Variants in PPP2R5E observed in about 807,000 individuals in gnomAD.
PPP2R5E encodes serine/threonine-protein phosphatase 2A 56 kDa regulatory subunit epsilon isoform.
A neutral mutation model predicts 65.3 loss-of-function variants in PPP2R5E; 4 were observed. That is an observed-to-expected ratio of 0.06 (90% CI 0.03 to 0.14). The LOEUF is 0.14. Ranked by LOEUF, PPP2R5E falls within the 10% of genes least tolerant of loss-of-function variation. PPP2R5E has a pLI of 1.00. For missense variants in PPP2R5E, 274 were observed against 556.1 expected (o/e 0.49, Z 5.10); for synonymous variants, 183 against 187.4 (o/e 0.98, Z 0.19).
At chr14:63,428,493 A>T (rs115087221) in intron 3 of PPP2R5E, among the ~76,000 whole-genome samples, 4,320 of 152,268 alleles carry the variant, frequency 0.028, 193 homozygotes, top group African/African-American at 0.098. Flanking sequence ...TTATTTACTA[A>T]ATCTGACAAC....
At chr14:63,524,247 G>A (rs906329008) in intron 2 of PPP2R5E, among the ~76,000 whole-genome samples, 1 of 152,124 alleles carries the variant, frequency 6.6e-6, no homozygotes, top group Non-Finnish European at 1.5e-5. Flanking sequence ...CCTACATAAC[G>A]GATGAACTTT....
chr14:63,482,825 C>G (rs1890781578), intron 2 of PPP2R5E, among the ~76,000 whole-genome samples: 1 of 152,190 alleles, frequency 6.6e-6, no homozygotes, highest in African/African-American at 2.4e-5. Flanking sequence ...TACCCAAGGC[C>G]TACTGTGAGC....
intron 13 of PPP2R5E, among the ~76,000 whole-genome samples, chr14:63,377,378 A>T (rs892119382): frequency 4.6e-5 from 7 of 152,152 alleles, no homozygotes; most frequent in East Asian, 1.9e-4. Context: ...CATTTTTTTT[A>T]AAACATTATA....
At chr14:63,516,665 C>T (rs533521949) in intron 2 of PPP2R5E, among the ~76,000 whole-genome samples, 5 of 152,322 alleles carry the variant, frequency 3.3e-5, no homozygotes, top group African/African-American at 9.6e-5. Context: ...CGATGTTTCA[C>T]AGGCAAGATA....
intron 2 of PPP2R5E, among the ~76,000 whole-genome samples, chr14:63,506,175 G>T (rs1892164114): frequency 6.6e-6 from 1 of 152,104 alleles, no homozygotes; most frequent in Non-Finnish European, 1.5e-5. Flanking sequence ...GATTGGCCGG[G>T]CGCAGTGGCT....
chr14:63,523,422 CT>C (rs1893050474), intron 2 of PPP2R5E, among the ~76,000 whole-genome samples: 1 of 152,084 alleles, frequency 6.6e-6, no homozygotes, highest in Non-Finnish European at 1.5e-5. Context: ...CAACCCTGTG[CT>C]CTCTGAAACA....
In PPP2R5E at chr14:63,391,394, A is replaced by AGTTTTGTTTTGTTTTGTTTTGTTTT. The variant is rs150324955; in HGVS notation, c.954+422_954+423insAAAACAAAACAAAACAAAACAAAAC. 2.1e-4 allele frequency among the ~76,000 whole-genome samples: 31 copies of AGTTTTGTTTTGTTTTGTTTTGTTTT among 149,102 alleles called. No homozygotes were observed. The East Asian group carries it at 2.4e-3, about 12-fold the overall frequency. ...CAATGAGGTTTAAATGAGATGATGCAGTTTTGCTTTGTTTTGTTTTGTTTT... is the reference window on the plus strand; with the variant it reads ...CAATGAGGTTTAAATGAGATGATGCAGTTTTGTTTTGTTTTGTTTTGTTTTGTTTTGCTTTGTTTTGTTTTGTTTT... On this transcript the variant is annotated intron_variant, in intron 10 of 13. Transcript: ENST00000337537.
chr14:63,389,415 C>T (rs1884876856), intron 11 of PPP2R5E, among the ~76,000 whole-genome samples, 197 bp downstream of exon 11: 1 of 151,808 alleles, frequency 6.6e-6, no homozygotes, highest in Non-Finnish European at 1.5e-5. Context: ...ATTAAAGTTA[C>T]TGGAGAGAAA....
chr14:63,521,963 C>T (rs1160883726), intron 2 of PPP2R5E, among the ~76,000 whole-genome samples: 1 of 86,620 alleles, frequency 1.2e-5, no homozygotes, highest in Admixed American at 9.6e-5. Context: ...CTCCCCCTCC[C>T]CCTCTCCCCA....
intron 2 of PPP2R5E, among the ~76,000 whole-genome samples, chr14:63,473,906 G>T (rs1045381754): frequency 3.9e-5 from 6 of 152,216 alleles, no homozygotes; most frequent in Admixed American, 1.3e-4. Flanking sequence ...AAGGAACCTG[G>T]ATTTAATTCC....
chr14:63,414,110 T>A (rs77476689), intron 5 of PPP2R5E, among the ~76,000 whole-genome samples: 1,538 of 152,248 alleles, frequency 0.01, 16 homozygotes, highest in African/African-American at 0.019. Flanking sequence ...TTGAACCCTA[T>A]GAAACTGCTG....
At chr14:63,528,733 T>C (rs1330134754) in intron 2 of PPP2R5E, among the ~76,000 whole-genome samples, 6 of 152,178 alleles carry the variant, frequency 3.9e-5, no homozygotes, top group Non-Finnish European at 5.9e-5. Flanking sequence ...AATAAACTGT[T>C]TAAATATTTA....
intron 5 of PPP2R5E, among the ~76,000 whole-genome samples, chr14:63,398,060 G>A (rs1338862964): frequency 6.6e-6 from 1 of 152,152 alleles, no homozygotes; most frequent in African/African-American, 2.4e-5. Context: ...CCAAACATTT[G>A]TAATCTAAAG....
At chr14:63,530,445 C>T (rs945200610) in intron 2 of PPP2R5E, among the ~76,000 whole-genome samples, 8 of 151,632 alleles carry the variant, frequency 5.3e-5, no homozygotes, top group African/African-American at 1.5e-4. Flanking sequence ...GTTGGCCAGG[C>T]TGGTCTCAAA....
At chr14:63,468,441 T>G (rs1436987704) in intron 2 of PPP2R5E, among the ~76,000 whole-genome samples, 1 of 152,234 alleles carries the variant, frequency 6.6e-6, no homozygotes, top group East Asian at 1.9e-4. Context: ...GGTAAGATGC[T>G]GACTCAATAG....
Position 63,384,444 on chromosome 14 carries a change from G to T in PPP2R5E, c.1202C>A (p.Pro401Gln). 1.2e-6 allele frequency: 2 copies of T among 1,612,130 alleles called. No homozygotes were observed. Among genetic ancestry groups the T allele is most frequent in the Non-Finnish European group, 1.7e-6 (2 of 1,179,254 alleles). ...LYRISKEHWNPAIVALVYNVL... is the reference protein window; with the variant it reads ...LYRISKEHWNQAIVALVYNVL... ...CGGAGGAAAGAAACTGAAAACCTAC[G>T]GATTCCAATGTTCTTTTGAAATCCT... is the stretch of plus-strand genomic sequence containing the variant. Residue 401 changes from proline (P) to glutamine (Q), a missense_variant and splice_region_variant, in exon 12 of 14, where the codon CCG (proline) becomes CAG (glutamine). Pro to Gln is a moderately conservative substitution (Grantham distance 76). Transcript: ENST00000337537.
chr14:63,430,101 T>A lies in PPP2R5E; in HGVS notation c.355-8007A>T, dbSNP rs76348239. ...AATATTTACCATGAATGTCATTTTT[T>A]AAAAAACAATTAAATCTGAAACAAA... On this transcript the variant is annotated intron_variant, in intron 3 of 13. Transcript: ENST00000337537. Among the ~76,000 whole-genome samples the A allele has an allele frequency of 4.7e-5, 7 of 150,498 alleles. No homozygotes were observed. The South Asian group carries it at 1.5e-3, about 31-fold the overall frequency.
At chr14:63,421,192 T>G (rs1221781329) in intron 4 of PPP2R5E, among the ~76,000 whole-genome samples, 1 of 151,560 alleles carries the variant, frequency 6.6e-6, no homozygotes, top group Non-Finnish European at 1.5e-5. Context: ...CCTTCCCCCT[T>G]GCTATTTGTC....
At chr14:63,468,766 T>G (rs1386980049) in intron 2 of PPP2R5E, among the ~76,000 whole-genome samples, 2 of 152,224 alleles carry the variant, frequency 1.3e-5, no homozygotes, top group East Asian at 3.8e-4. Flanking sequence ...TCACAAATAT[T>G]AATACTTATA....
Sources: allele counts gnomAD v4.1 joint callset (sites outside exome capture counted in the v4.1 genomes callset), GRCh38; gene constraint gnomAD v4.1.1; transcripts MANE v1.5; gene names NCBI Gene and HGNC (gene_info 2026-07-23, HGNC 2026-07-21).